RAP1GAP2: variants seen among roughly 807,000 people sequenced by gnomAD.
The protein encoded by RAP1GAP2 is rap1 GTPase-activating protein 2.
A neutral mutation model predicts 95.0 loss-of-function variants in RAP1GAP2; 27 were observed. The observed-to-expected ratio is 0.28, with a 90% confidence interval of 0.21 to 0.39. The LOEUF is 0.39. RAP1GAP2 is among the 10% of genes least tolerant of loss of function. The pLI is 1.00. For missense variants in RAP1GAP2, 771 were observed against 970.0 expected (o/e 0.79, Z 2.72); for synonymous variants, 373 against 380.9 (o/e 0.98, Z 0.24).
chr17:2,832,175 G>T (rs1264140202), intron 2 of RAP1GAP2, among the ~76,000 whole-genome samples: 1 of 138,532 alleles, frequency 7.2e-6, no homozygotes, highest in Non-Finnish European at 1.5e-5. Flanking sequence ...TTGCATTCCA[G>T]TCTGGGTGAC....
At chr17:2,761,623 T>C (rs1331183081) in intron 1 of RAP1GAP2, among the ~76,000 whole-genome samples, 1 of 152,170 alleles carries the variant, frequency 6.6e-6, no homozygotes, top group Non-Finnish European at 1.5e-5. Context: ...GTCAAGGGTA[T>C]ATACAGTTGT....
At chr17:2,920,814 T>A (rs1410495722) in intron 3 of RAP1GAP2, among the ~76,000 whole-genome samples, 2 of 152,218 alleles carry the variant, frequency 1.3e-5, no homozygotes, top group Non-Finnish European at 2.9e-5. Context: ...CCATAGACTC[T>A]ACTCCACTGA....
intron 13 of RAP1GAP2, among the ~76,000 whole-genome samples, chr17:2,995,798 AG>A (rs2151579061): frequency 6.6e-6 from 1 of 152,152 alleles, no homozygotes; most frequent in East Asian, 1.9e-4. Context: ...TCCGTTTATC[AG>A]GGGCAGAGCC....
intron 2 of RAP1GAP2, among the ~76,000 whole-genome samples, chr17:2,809,194 C>T (rs565526235): frequency 1.3e-5 from 2 of 152,302 alleles, no homozygotes; most frequent in Non-Finnish European, 2.9e-5. Flanking sequence ...ACAAACAGCT[C>T]CCCGGACTTG....
At chr17:2,959,128 G>A (rs1208219266) in intron 4 of RAP1GAP2, among the ~76,000 whole-genome samples, 1 of 152,114 alleles carries the variant, frequency 6.6e-6, no homozygotes, top group African/African-American at 2.4e-5. Context: ...GCTGGCAGGG[G>A]GTTTGCAGCC....
chr17:2,833,122 C>T (rs2070964662), intron 2 of RAP1GAP2, among the ~76,000 whole-genome samples: 2 of 151,894 alleles, frequency 1.3e-5, no homozygotes, highest in South Asian at 4.2e-4. Context: ...ATCTGTTTCT[C>T]CTGTAAATGG....
At chr17:2,949,037 A>G (rs1402243779) in intron 3 of RAP1GAP2, among the ~76,000 whole-genome samples, 1 of 152,136 alleles carries the variant, frequency 6.6e-6, no homozygotes, top group East Asian at 1.9e-4. Flanking sequence ...CTCCTCCCCA[A>G]AGACTTCTCT....
intron 2 of RAP1GAP2, among the ~76,000 whole-genome samples, chr17:2,854,498 T>G (rs2072043465): frequency 6.6e-6 from 1 of 152,174 alleles, no homozygotes; most frequent in South Asian, 2.1e-4. Flanking sequence ...GCCCTCGAGG[T>G]GCCTGCCTGG....
intron 2 of RAP1GAP2, among the ~76,000 whole-genome samples, chr17:2,819,224 G>A (rs535282086): frequency 1.3e-5 from 2 of 151,544 alleles, no homozygotes; most frequent in Non-Finnish European, 2.9e-5. Context: ...GTTTCACCGT[G>A]TTAGCCAGGA....
At chr17:2,799,566 G>A (rs1428754796) in intron 1 of RAP1GAP2, among the ~76,000 whole-genome samples, 1 of 152,208 alleles carries the variant, frequency 6.6e-6, no homozygotes, top group Non-Finnish European at 1.5e-5. Flanking sequence ...TCTCCAGCAT[G>A]CTGGAGCCAG....
At chr17:2,844,278 C>G (rs899305129) in intron 2 of RAP1GAP2, among the ~76,000 whole-genome samples, 1 of 152,176 alleles carries the variant, frequency 6.6e-6, no homozygotes, top group African/African-American at 2.4e-5. Context: ...CCTCGGCCTC[C>G]CAAAGTGCTG....
chr17:2,848,577 C>T (rs1463385581), intron 2 of RAP1GAP2, among the ~76,000 whole-genome samples: 2 of 151,454 alleles, frequency 1.3e-5, no homozygotes, highest in Non-Finnish European at 2.9e-5. Context: ...TGCAGTGGCA[C>T]GATCTCAGCT....
rs992152483 is a variant in RAP1GAP2, at chr17:2,898,510, C to T, written c.81-6774C>T. Among the ~76,000 whole-genome samples the T allele has an allele frequency of 2.3e-4, 35 of 152,344 alleles. 2 individuals are homozygous for T. Among genetic ancestry groups the T allele is most frequent in the Admixed American group, 1.9e-3 (29 of 15,300 alleles). On this transcript the variant is annotated intron_variant, in intron 2 of 24. Transcript: ENST00000254695. ...ATGAGGGTCATCAGTGCCCGCATCT[C>T]CATGTCTGTCCCCTTGGGGCTTGGA...
chr17:2,950,028 A>C (rs1391879338), intron 3 of RAP1GAP2, among the ~76,000 whole-genome samples: 2 of 146,106 alleles, frequency 1.4e-5, no homozygotes, highest in Non-Finnish European at 3.0e-5. Flanking sequence ...ATCTTCATTC[A>C]GACCCATTTC....
chr17:2,780,048 C>G (rs1424099468), intron 1 of RAP1GAP2, among the ~76,000 whole-genome samples: 2 of 152,032 alleles, frequency 1.3e-5, no homozygotes, highest in Admixed American at 6.6e-5. Context: ...CATCCACAAG[C>G]CTCCTCGTTC....
chr17:2,981,791 T>C (rs764488949), intron 10 of RAP1GAP2, among the ~76,000 whole-genome samples: 4 of 152,200 alleles, frequency 2.6e-5, no homozygotes, highest in African/African-American at 9.7e-5. Flanking sequence ...AGTTCTGATA[T>C]GGGCGTGTGA....
At chr17:2,985,105 G>A in intron 11 of RAP1GAP2, 39 bp downstream of exon 11, 1 of 1,611,656 alleles carries the variant, frequency 6.2e-7, no homozygotes, top group Non-Finnish European at 8.5e-7. Context: ...GTATCCCGTG[G>A]TTTCTCACTT....
At chr17:3,016,089 CTCAG>C (rs2046756389) in intron 17 of RAP1GAP2, among the ~76,000 whole-genome samples, 1 of 152,152 alleles carries the variant, frequency 6.6e-6, no homozygotes, top group African/African-American at 2.4e-5. Context: ...TGACTCGTGG[CTCAG>C]TCAGCATCAA....
chr17:2,797,594 G>A lies in RAP1GAP2; in HGVS notation c.44+1023G>A, dbSNP rs771290096. ...TGTTCCTCGGTAATTTTTCGCTTCCGTGTGTGTGGCTTATTTCCCTCTTCC... is the reference window on the plus strand; with the variant it reads ...TGTTCCTCGGTAATTTTTCGCTTCCATGTGTGTGGCTTATTTCCCTCTTCC... On this transcript the variant is annotated intron_variant, in intron 1 of 24. Transcript: ENST00000254695. The surrounding 1 kb of genome is among the most constrained non-coding windows in gnomAD (Gnocchi z 5.6). 1.0e-5 allele frequency: 7 copies of A among 673,062 alleles called. No homozygotes were observed. The South Asian group carries it at 2.0e-4, about 19-fold the overall frequency. 41.7% of individuals were successfully genotyped at this position (673,062 alleles called of 1,614,324 possible). A position where few individuals can be genotyped will look rare whatever the true frequency, so the allele number is the denominator to read the frequency against.
Sources: gnomAD v4.1 joint callset for allele counts (sites outside exome capture counted in the v4.1 genomes callset) on GRCh38, gnomAD v4.1.1 for gene constraint, Gnocchi (gnomAD v3.1) non-coding constraint, MANE v1.5 for transcripts, NCBI Gene and HGNC (gene_info 2026-07-23, HGNC 2026-07-21) for gene names.